C7orf57: variants seen among roughly 807,000 people sequenced by gnomAD.
C7orf57 encodes the protein uncharacterized protein C7orf57.
In C7orf57, 33 loss-of-function variants were observed where a neutral mutation model predicts 39.0. The ratio of observed to expected loss-of-function variants is 0.85; its 90% CI spans 0.64 to 1.13. The LOEUF (loss-of-function observed/expected upper bound fraction) is 1.13. C7orf57 is among the 50% of genes most tolerant of loss of function. The pLI is 0.00. For missense variants in C7orf57, 346 were observed against 362.3 expected, an observed-to-expected ratio of 0.95 and a Z score of 0.37; for synonymous variants, 124 against 137.1, an observed-to-expected ratio of 0.90 and a Z score of 0.67.
In C7orf57 at chr7:48,036,237, C is replaced by T; in HGVS notation, c.-72C>T. On this transcript the variant is annotated 5_prime_UTR_variant, in exon 2 of 9. Transcript: ENST00000348904. ...AGCTCCTGGCAACTGGTCAAGCAGGCAGCGTCCAGCGCACCCGCGAACACC... is the reference window on the plus strand; with the variant it reads ...AGCTCCTGGCAACTGGTCAAGCAGGTAGCGTCCAGCGCACCCGCGAACACC... 6.7e-7 allele frequency: 1 copy of T among 1,494,786 alleles called. No individual in the cohort carries two copies. Among genetic ancestry groups the T allele is most frequent in the Non-Finnish European group, 9.1e-7 (1 of 1,095,358 alleles). The allele number at this position is 1,494,786 out of a possible 1,614,324, so 92.6% of individuals were successfully genotyped here. A position where few individuals can be genotyped will look rare whatever the true frequency, so the allele number is the denominator to read the frequency against.
chr7:48,037,668 T>C (rs1211184573), intron 2 of C7orf57, among the ~76,000 whole-genome samples: 1 of 152,106 alleles, frequency 6.6e-6, no homozygotes, highest in Non-Finnish European at 1.5e-5. Context: ...ATCTATAGGA[T>C]AGTAAATGAC....
rs35256733 is a variant in C7orf57 at position 48,054,412 on chromosome 7, C to CAAAA, written c.830-165_830-162dup. On this transcript the variant is annotated intron_variant, in intron 7 of 8. Transcript: ENST00000348904. The stretch of plus-strand genomic sequence containing the variant: ...CTGGGCAACAAGAGGGAAACTCTCT[C>CAAAA]AAAAAAAAAAAAAAAAAAAAAGGTT... Among the ~76,000 whole-genome samples the CAAAA allele has an allele frequency of 4.4e-4, 38 of 86,494 alleles. 1 individual carries two copies. Among genetic ancestry groups the CAAAA allele is most frequent in the African/African-American group, 1.6e-3 (36 of 22,602 alleles). 56.7% of individuals were successfully genotyped at this position (86,494 alleles called of 152,430 possible).
At chr7:48,040,319 T>G (rs1790509763) in intron 2 of C7orf57, among the ~76,000 whole-genome samples, 6 of 152,192 alleles carry the variant, frequency 3.9e-5, no homozygotes, top group Admixed American at 3.3e-4. Flanking sequence ...CTTCCTCCAC[T>G]CGATTGTGCC....
intron 8 of C7orf57, among the ~76,000 whole-genome samples, chr7:48,056,120 C>T (rs922260344): frequency 6.6e-6 from 1 of 152,164 alleles, no homozygotes; most frequent in Admixed American, 6.5e-5. Context: ...ACATTATCAT[C>T]AACACTTGCT....
chr7:48,048,916 C>T (rs1300954416), intron 5 of C7orf57, among the ~76,000 whole-genome samples: 1 of 152,176 alleles, frequency 6.6e-6, no homozygotes. Flanking sequence ...CGACCATGAA[C>T]CATAGGTAAC....
rs1562630033 is a variant in C7orf57 at position 48,051,823 on chromosome 7, CTTTCTT to C, written c.606-875_606-870del. ...CCTTCCTTCCTTTTCTCTTCTCTTT[CTTTCTT>C]TCTTTCTTTCTTTCTTTCTTTCTTT... is the stretch of plus-strand genomic sequence containing the variant. On this transcript the variant is annotated intron_variant, in intron 6 of 8. Transcript: ENST00000348904. 5.0e-3 allele frequency among the ~76,000 whole-genome samples: 105 copies of C among 20,932 alleles called. 7 individuals are homozygous for C. The highest frequency in any genetic ancestry group is 0.019 in the African/African-American group (90 of 4,732). 13.7% of individuals were successfully genotyped at this position (20,932 alleles called of 152,430 possible).
rs1268199555 is a variant in C7orf57 at position 48,049,892 on chromosome 7, G to A, written c.520G>A (p.Ala174Thr). 8 of 1,613,396 alleles carry A rather than the reference G, an allele frequency of 5.0e-6. No individual in the cohort carries two copies. In the Admixed American group the frequency reaches 1.2e-4, roughly 24 times the overall value. Residue 174 changes from alanine to threonine, a missense_variant, in exon 6 of 9, where the codon GCC becomes ACC. Physicochemically the swap from Ala to Thr is moderately conservative, Grantham distance 58 (BLOSUM62 0). Transcript: ENST00000348904. ...EKEKKKLRLP[A>T]IDSKYLSKAG... ...TTTCCTCACACAGCTGAGGCTACCG[G>A]CCATTGACTCAAAGTATCTGAGCAA...
intron 6 of C7orf57, 54 bp downstream of exon 6, chr7:48,050,031 C>T: frequency 1.6e-6 from 2 of 1,235,046 alleles, no homozygotes; most frequent in African/African-American, 2.9e-5. Context: ...GTTTGGCCTT[C>T]CGTCTTTCAT....
chr7:48,054,699 C>A (rs1791060030), intron 8 of C7orf57, 93 bp downstream of exon 8: 1 of 1,088,856 alleles, frequency 9.2e-7, no homozygotes, highest in African/African-American at 1.6e-5. Flanking sequence ...ACTACAGCCT[C>A]TAGGCAGCCT....
Position 48,043,462 on chromosome 7 carries a change from T to C in C7orf57, c.242-19T>C, listed in dbSNP as rs1381138832. ...GGGGCGGCGGGGTGTCTCACAGCCA[T>C]GTCATTTTCTCTTTTGAGATTTGTT... On this transcript the variant is annotated intron_variant, in intron 3 of 8. Transcript: ENST00000348904. 1.5e-5 allele frequency: 24 copies of C among 1,598,950 alleles called. No homozygotes were observed. The highest frequency in any genetic ancestry group is 2.1e-5 in the Non-Finnish European group (24 of 1,167,542).
chr7:48,060,104 C>A (rs1791248919), intron 8 of C7orf57, 122 bp from the exon 9 acceptor site: 3 of 572,360 alleles, frequency 5.2e-6, no homozygotes, highest in Non-Finnish European at 8.8e-6. Flanking sequence ...TTTATGTAGA[C>A]TTCAGAAATA....
rs1325033699 is a variant in C7orf57, at chr7:48,049,363, C to T, written c.508-517C>T. 2.6e-5 allele frequency among the ~76,000 whole-genome samples: 4 copies of T among 152,272 alleles called. No individual in the cohort carries two copies. In the East Asian group the frequency reaches 5.8e-4, roughly 22 times the overall value. On this transcript the variant is annotated intron_variant, in intron 5 of 8. Transcript: ENST00000348904. ...ATGGCGTCTTTCCTGCTTGGCTTCT[C>T]CCATGTGGTGTAATGCATTTACATT...
chr7:48,053,430 T>C (rs550525471), intron 7 of C7orf57, among the ~76,000 whole-genome samples: 2 of 151,960 alleles, frequency 1.3e-5, no homozygotes, highest in South Asian at 4.1e-4. Context: ...TATATTAGTT[T>C]TTATTTATTA....
At chr7:48,046,698 T>A in intron 5 of C7orf57, 82 bp downstream of exon 5, 1 of 1,460,396 alleles carries the variant, frequency 6.8e-7, no homozygotes, top group Non-Finnish European at 9.2e-7. Context: ...TGATGTTAGC[T>A]GCTGGTGGCG....
intron 8 of C7orf57, among the ~76,000 whole-genome samples, chr7:48,059,997 C>T (rs1007300086): frequency 7.2e-5 from 11 of 152,192 alleles, no homozygotes; most frequent in Admixed American, 3.3e-4. Flanking sequence ...ATGAATTGAA[C>T]TGTTTCCAAT....
intron 4 of C7orf57, among the ~76,000 whole-genome samples, chr7:48,044,489 T>C (rs1790656064): frequency 1.3e-5 from 2 of 152,344 alleles, no homozygotes; most frequent in South Asian, 2.1e-4. Context: ...ATTGGTATTT[T>C]AGTGAACGCT....
intron 2 of C7orf57, among the ~76,000 whole-genome samples, chr7:48,039,621 TA>T (rs570514481): frequency 3.3e-5 from 5 of 152,298 alleles, no homozygotes; most frequent in Middle Eastern, 6.8e-3. Flanking sequence ...TATTTTCATC[TA>T]AAAAACTTCA....
intron 5 of C7orf57, among the ~76,000 whole-genome samples, chr7:48,048,829 G>GTTCA (rs1790791733): frequency 6.6e-6 from 1 of 151,902 alleles, no homozygotes; most frequent in Admixed American, 6.6e-5. Context: ...TCTTGGACAA[G>GTTCA]CCTCTCATTC....
Position 48,049,950 on chromosome 7 carries a change from C to T in C7orf57, c.578C>T (p.Ala193Val), listed in dbSNP as rs183583516. The T allele has an allele frequency of 5.0e-6, 8 of 1,612,656 alleles. No homozygotes were observed. The African/African-American group carries it at 5.3e-5, about 11-fold the overall frequency. The change falls in exon 6 of 9, where the codon GCA becomes GTA. Residue 193 changes from alanine to valine, a missense_variant. Coordinates refer to ENST00000348904, the MANE Select transcript of C7orf57 (RefSeq NM_001100159.3). ...ACCCCACTTGGCCCTAAGAATCCTG[C>T]AGGAAGTAGACTCTCCTTCCCCCCC... Reference protein sequence around the residue: ...AGTPLGPKNPAGSRLSFPPVP... With the variant: ...AGTPLGPKNPVGSRLSFPPVP...
Sources: allele counts gnomAD v4.1 joint callset (sites outside exome capture counted in the v4.1 genomes callset), GRCh38; gene constraint gnomAD v4.1.1; transcripts MANE v1.5; gene names NCBI Gene and HGNC (gene_info 2026-07-23, HGNC 2026-07-21).